The following CA13 variants were observed in gnomAD, a reference collection of about 807,000 sequenced individuals.
CA13 encodes the protein carbonic anhydrase 13.
In CA13, 21 loss-of-function variants were observed where a neutral mutation model predicts 31.5. The ratio of observed to expected loss-of-function variants is 0.67; its 90% CI spans 0.47 to 0.96. The LOEUF (loss-of-function observed/expected upper bound fraction) is 0.96. CA13 is among the 40% of genes least tolerant of loss of function. The probability of loss-of-function intolerance (pLI) is 0.00; values close to 1 mark genes in which losing one functional copy is unlikely to be tolerated. For synonymous variants in CA13, 117 were observed against 111.4 expected (o/e 1.05, Z -0.32); for missense variants, 315 against 318.9 (o/e 0.99, Z 0.09).
At chr8:85,251,406 A>C (rs1265356599) in intron 2 of CA13, among the ~76,000 whole-genome samples, 1 of 152,226 alleles carries the variant, frequency 6.6e-6, no homozygotes, top group Non-Finnish European at 1.5e-5. Flanking sequence ...ATATATTTGA[A>C]CCTTCAGATA....
At chr8:85,279,170 G>T (rs528997939) in intron 6 of CA13, among the ~76,000 whole-genome samples, 4 of 152,286 alleles carry the variant, frequency 2.6e-5, no homozygotes, top group South Asian at 2.1e-4. Context: ...CAGCAAAACA[G>T]GTCATACCTG....
chr8:85,274,802 G>A (rs190177387), intron 6 of CA13, among the ~76,000 whole-genome samples: 5 of 152,292 alleles, frequency 3.3e-5, no homozygotes, highest in African/African-American at 9.6e-5. Flanking sequence ...TGGCAGGACC[G>A]TAATATTCGA....
intron 3 of CA13, among the ~76,000 whole-genome samples, chr8:85,264,957 T>G (rs1455312668): frequency 1.3e-5 from 2 of 152,228 alleles, no homozygotes; most frequent in Non-Finnish European, 2.9e-5. Flanking sequence ...CTTCCTTGAT[T>G]GTTTGTGCAT....
intron 3 of CA13, among the ~76,000 whole-genome samples, chr8:85,264,784 A>T (rs570445862): frequency 6.6e-6 from 1 of 152,220 alleles, no homozygotes; most frequent in Admixed American, 6.5e-5. Flanking sequence ...AACAATTTTA[A>T]CATCCTTATC....
rs1233084959 is a variant in CA13 at position 85,250,907 on chromosome 8, G to T, written c.205G>T (p.Val69Phe). Residue 69 changes from valine (V) to phenylalanine (F), a missense_variant, in exon 2 of 7, where the codon GTT becomes TTT. Transcript: ENST00000321764. ...IISNSGHSFN[V>F]DFDDTENKSV... is the part of the protein sequence containing the mutation. The stretch of plus-strand genomic sequence containing the variant: ...CAGCAACAGCGGCCATTCCTTCAAT[G>T]TTGACTTTGATGACACAGAGAACAA... 2.5e-6 allele frequency: 4 copies of T among 1,613,226 alleles called. No homozygotes were observed. The African/African-American group carries it at 5.4e-5, about 22-fold the overall frequency.
In CA13 at chr8:85,266,607, G is replaced by C. The variant is rs1043599896; in HGVS notation, c.355-1G>C. On this transcript the variant is annotated splice_acceptor_variant, in intron 3 of 6. Coordinates refer to ENST00000321764, the MANE Select transcript of CA13 (RefSeq NM_198584.3). LOFTEE classifies it high-confidence loss of function. The stretch of plus-strand genomic sequence containing the variant: ...TACTATGTTGTATATCTCCCTTTCA[G>C]CTCCATGTTGTTCACTGGAATTCAG... 5 of 1,611,644 alleles carry C rather than the reference G, an allele frequency of 3.1e-6. No individual in the cohort carries two copies. Among genetic ancestry groups the C allele is most frequent in the Non-Finnish European group, 4.2e-6 (5 of 1,178,158 alleles).
intron 3 of CA13, among the ~76,000 whole-genome samples, chr8:85,260,097 A>C (rs1807355759): frequency 1.3e-5 from 2 of 152,168 alleles, no homozygotes; most frequent in South Asian, 4.1e-4. Context: ...TAAAATAAAA[A>C]TCTGTTATTC....
intron 6 of CA13, among the ~76,000 whole-genome samples, chr8:85,272,731 C>T (rs192309780): frequency 6.6e-6 from 1 of 152,178 alleles, no homozygotes; most frequent in East Asian, 1.9e-4. Context: ...TGTGTGGACA[C>T]ATTTTTATGT....
intron 6 of CA13, among the ~76,000 whole-genome samples, chr8:85,271,369 T>A (rs1478918268): frequency 1.3e-5 from 2 of 152,228 alleles, no homozygotes; most frequent in African/African-American, 4.8e-5. Flanking sequence ...TCTTGCCAAG[T>A]CACAGTTTGA....
intron 2 of CA13, among the ~76,000 whole-genome samples, chr8:85,258,454 T>C (rs1807331297): frequency 6.6e-6 from 1 of 152,102 alleles, no homozygotes; most frequent in Non-Finnish European, 1.5e-5. Flanking sequence ...CCCAAGAATA[T>C]AGAATTTAAG....
rs1807700200 is a variant in CA13, at chr8:85,281,238, AT to A, written c.681del (p.Arg228AlafsTer16). 1 of 1,613,062 alleles carries A rather than the reference AT, an allele frequency of 6.2e-7. No individual in the cohort carries two copies. The highest frequency in any genetic ancestry group is 1.3e-5 in the African/African-American group (1 of 74,876). On this transcript the variant is annotated frameshift_variant, in exon 7 of 7. Transcript: ENST00000321764. LOFTEE classifies it high-confidence loss of function. ...CTTTTCTTCTTCTACAGCTGGCCAAATTTCGCAGTCTCCTGTGCACAGCGGA... is the reference window on the plus strand; with the variant it reads ...CTTTTCTTCTTCTACAGCTGGCCAAATTCGCAGTCTCCTGTGCACAGCGGA... The part of the protein sequence containing the change: ...INISSQQLAK[F>X]RSLLCTAEGE...
intron 1 of CA13, among the ~76,000 whole-genome samples, chr8:85,248,087 A>G (rs916554051): frequency 6.6e-6 from 1 of 152,226 alleles, no homozygotes; most frequent in Non-Finnish European, 1.5e-5. Context: ...CGAATGTGAC[A>G]TCACTGAAAA....
intron 2 of CA13, among the ~76,000 whole-genome samples, chr8:85,257,718 C>A (rs1254875821): frequency 3.6e-5 from 5 of 139,438 alleles, no homozygotes; most frequent in Non-Finnish European, 7.9e-5. Context: ...AAAAAAAAAA[C>A]AAAAACGAAC....
chr8:85,253,961 C>A (rs1056575362), intron 2 of CA13, among the ~76,000 whole-genome samples: 1 of 151,808 alleles, frequency 6.6e-6, no homozygotes, highest in African/African-American at 2.4e-5. Flanking sequence ...AGTAAGCTGT[C>A]TCAGAAAATA....
chr8:85,259,609 C>G (rs1807350544), intron 3 of CA13, 70 bp downstream of exon 3: 2 of 1,241,624 alleles, frequency 1.6e-6, no homozygotes, highest in Non-Finnish European at 2.4e-6. Flanking sequence ...ACAGAGACAA[C>G]TTTACTGATT....
chr8:85,273,364 A>G (rs1019325910), intron 6 of CA13, among the ~76,000 whole-genome samples: 7 of 152,082 alleles, frequency 4.6e-5, no homozygotes, highest in Non-Finnish European at 1.0e-4. Context: ...TATCTGTTCA[A>G]ATCATCTGTA....
At chr8:85,247,829 C>T (rs554036496) in intron 1 of CA13, among the ~76,000 whole-genome samples, 170 of 152,050 alleles carry the variant, frequency 1.1e-3, no homozygotes, top group Non-Finnish European at 1.6e-3. Flanking sequence ...CCTTGGCCTC[C>T]CAAAGTACTG....
intron 1 of CA13, among the ~76,000 whole-genome samples, chr8:85,248,141 G>A (rs1813762479): frequency 6.6e-6 from 1 of 152,068 alleles, no homozygotes; most frequent in Admixed American, 6.6e-5. Flanking sequence ...AATCAGTTGA[G>A]CAACCACCAC....
At chr8:85,274,974 C>G (rs1363828112) in intron 6 of CA13, among the ~76,000 whole-genome samples, 2 of 152,154 alleles carry the variant, frequency 1.3e-5, no homozygotes, top group African/African-American at 2.4e-5. Context: ...GCCTAGGAAG[C>G]AAGTACCTTG....
Sources: gnomAD v4.1 joint callset for allele counts (sites outside exome capture counted in the v4.1 genomes callset) on GRCh38, gnomAD v4.1.1 for gene constraint, MANE v1.5 for transcripts, NCBI Gene and HGNC (gene_info 2026-07-23, HGNC 2026-07-21) for gene names.